The following GRB14 variants were observed in gnomAD, a reference collection of about 807,000 sequenced individuals.
GRB14 encodes the protein growth factor receptor-bound protein 14.
A neutral mutation model predicts 69.1 loss-of-function variants in GRB14; 38 were observed. The ratio of observed to expected loss-of-function variants is 0.55; its 90% CI spans 0.42 to 0.72. The LOEUF (loss-of-function observed/expected upper bound fraction) is 0.72, where lower values mean the gene tolerates loss of function less well. GRB14 is among the 30% of genes least tolerant of loss of function. GRB14 has a pLI of 0.00. For synonymous variants in GRB14, 247 were observed against 241.3 expected (o/e 1.02, Z -0.22); for missense variants, 666 against 666.1 (o/e 1.00, Z 0.00).
chr2:164,611,936 A>G (rs1261182301), intron 2 of GRB14, among the ~76,000 whole-genome samples: 1 of 152,174 alleles, frequency 6.6e-6, no homozygotes, highest in African/African-American at 2.4e-5. Context: ...TATCTGCTGC[A>G]CAGGAGCCAT....
At chr2:164,613,215 G>A (rs1378966401) in intron 2 of GRB14, among the ~76,000 whole-genome samples, 1 of 152,196 alleles carries the variant, frequency 6.6e-6, no homozygotes, top group Non-Finnish European at 1.5e-5. Flanking sequence ...ACCAATTGGT[G>A]GATCATCATA....
chr2:164,541,404 G>A (rs920165290), intron 3 of GRB14, among the ~76,000 whole-genome samples: 2 of 151,812 alleles, frequency 1.3e-5, no homozygotes, highest in East Asian at 1.9e-4. Context: ...CTTGGGAGGC[G>A]AAGGGTGCAG....
intron 2 of GRB14, among the ~76,000 whole-genome samples, chr2:164,554,683 C>A (rs1239210011): frequency 6.6e-6 from 1 of 152,042 alleles, no homozygotes; most frequent in African/African-American, 2.4e-5. Flanking sequence ...CCTAGCAATG[C>A]AAATTTAATA....
At chr2:164,521,616 T>C (rs1182532434) in intron 6 of GRB14, among the ~76,000 whole-genome samples, 1 of 152,052 alleles carries the variant, frequency 6.6e-6, no homozygotes, top group Non-Finnish European at 1.5e-5. Context: ...TCAACAGAGA[T>C]TCAGAAGTAG....
At chr2:164,536,356 C>A (rs1688079645) in intron 3 of GRB14, among the ~76,000 whole-genome samples, 1 of 152,146 alleles carries the variant, frequency 6.6e-6, no homozygotes, top group Non-Finnish European at 1.5e-5. Context: ...CAACTTGGGG[C>A]TTCAGAAAGA....
intron 2 of GRB14, among the ~76,000 whole-genome samples, chr2:164,584,147 ATTTTTTT>A (rs55883951): frequency 2.0e-5 from 1 of 49,900 alleles, no homozygotes; most frequent in Non-Finnish European, 3.4e-5. Context: ...CAGCCTGGCT[ATTTTTTT>A]TTTTTTTTTT....
At chr2:164,620,717 T>G (rs1185732951) in intron 1 of GRB14, among the ~76,000 whole-genome samples, 2 of 152,194 alleles carry the variant, frequency 1.3e-5, no homozygotes, top group South Asian at 4.1e-4. Flanking sequence ...CATGCTTTGC[T>G]TCTACAGGGT....
chr2:164,550,425 C>T (rs551212079), intron 2 of GRB14, among the ~76,000 whole-genome samples: 5 of 152,204 alleles, frequency 3.3e-5, no homozygotes, highest in African/African-American at 4.8e-5. Context: ...TTATCTATTA[C>T]AGCAGCTAAT....
chr2:164,533,806 A>C (rs1688013773), intron 3 of GRB14, among the ~76,000 whole-genome samples: 1 of 152,248 alleles, frequency 6.6e-6, no homozygotes, highest in Non-Finnish European at 1.5e-5. Flanking sequence ...TCTGAATATA[A>C]AAAAGAACTA....
chr2:164,544,221 G>T lies in GRB14; in HGVS notation c.481+3439C>A, dbSNP rs368753629. 1.8e-4 allele frequency among the ~76,000 whole-genome samples: 27 copies of T among 152,270 alleles called. No individual in the cohort carries two copies. The East Asian group carries it at 4.6e-3, about 26-fold the overall frequency. On this transcript the variant is annotated intron_variant, in intron 3 of 13. Transcript: ENST00000263915. Reference sequence around the variant, plus strand: ...ATGCCTAAAAGTTTAAATTTAGTATGTGGATCAAATTAATTCCCAGTGTTC... The same window carrying T: ...ATGCCTAAAAGTTTAAATTTAGTATTTGGATCAAATTAATTCCCAGTGTTC...
chr2:164,564,890 C>T (rs1204855834), intron 2 of GRB14, among the ~76,000 whole-genome samples: 1 of 152,072 alleles, frequency 6.6e-6, no homozygotes, highest in Admixed American at 6.5e-5. Flanking sequence ...TGGCACACGC[C>T]TGTAGTCCCA....
chr2:164,619,220 T>G (rs892204116), intron 2 of GRB14, among the ~76,000 whole-genome samples: 1 of 152,178 alleles, frequency 6.6e-6, no homozygotes, highest in African/African-American at 2.4e-5. Context: ...TCTAAATACC[T>G]TTTGCCACAG....
chr2:164,584,859 G>C (rs948808558), intron 2 of GRB14, among the ~76,000 whole-genome samples: 3 of 152,050 alleles, frequency 2.0e-5, no homozygotes, highest in Non-Finnish European at 4.4e-5. Flanking sequence ...CCAATTTAAA[G>C]ATTGGATTGT....
chr2:164,572,671 A>G (rs1689150294), intron 2 of GRB14, among the ~76,000 whole-genome samples: 1 of 152,166 alleles, frequency 6.6e-6, no homozygotes, highest in Non-Finnish European at 1.5e-5. Context: ...CAGTTTATTC[A>G]AACTTCAGCT....
At chr2:164,518,948 A>G (rs1293057187) in intron 6 of GRB14, among the ~76,000 whole-genome samples, 2 of 152,134 alleles carry the variant, frequency 1.3e-5, no homozygotes, top group Non-Finnish European at 2.9e-5. Context: ...ACATTCAAAG[A>G]AGAATTGGTA....
intron 2 of GRB14, among the ~76,000 whole-genome samples, chr2:164,554,589 T>A (rs1688631357): frequency 6.6e-6 from 1 of 152,180 alleles, no homozygotes; most frequent in Non-Finnish European, 1.5e-5. Context: ...AGCCCTTCTG[T>A]GTCACTCTAA....
intron 2 of GRB14, among the ~76,000 whole-genome samples, chr2:164,554,521 C>A (rs1195325129): frequency 6.6e-6 from 1 of 152,132 alleles, no homozygotes; most frequent in African/African-American, 2.4e-5. Flanking sequence ...TAACAACCCA[C>A]CAGCATAAAC....
chr2:164,610,726 G>A (rs1050427438), intron 2 of GRB14, among the ~76,000 whole-genome samples: 1 of 151,612 alleles, frequency 6.6e-6, no homozygotes, highest in Admixed American at 6.6e-5. Context: ...TTCTTTCCAT[G>A]AAATAACCCA....
At chr2:164,504,153 T>C (rs1036233397) in intron 8 of GRB14, among the ~76,000 whole-genome samples, 1 of 151,944 alleles carries the variant, frequency 6.6e-6, no homozygotes, top group African/African-American at 2.4e-5. Context: ...AGAGTCTCCA[T>C]CTGATCCATA....
Sources: allele counts gnomAD v4.1 joint callset (sites outside exome capture counted in the v4.1 genomes callset), GRCh38; gene constraint gnomAD v4.1.1; transcripts MANE v1.5; gene names NCBI Gene and HGNC (gene_info 2026-07-23, HGNC 2026-07-21).